RANBP2: variants seen among roughly 807,000 people sequenced by gnomAD.
RANBP2 encodes RAN binding protein 2.
RANBP2 carries 57 observed loss-of-function variants against 303.6 expected under a neutral mutation model. The observed-to-expected ratio is 0.19, with a 90% CI of 0.15 to 0.23. RANBP2 has a LOEUF of 0.23. Among genes scored for constraint, RANBP2 ranks in the 10% least tolerant of loss-of-function variants. The pLI, the probability that RANBP2 is intolerant of heterozygous loss-of-function variation, is 1.00. For synonymous variants in RANBP2, 1,167 were observed against 1,301.5 expected, an observed-to-expected ratio of 0.90 and a Z score of 2.23; for missense variants, 3,138 against 3,780.8, an observed-to-expected ratio of 0.83 and a Z score of 4.46.
chr2:109,697,090 TAA>T, the RANBP2 span, among the ~76,000 whole-genome samples: 1 of 152,026 alleles, frequency 6.6e-6, no homozygotes, highest in Admixed American at 6.6e-5. Context: ...TTATGTAAAT[TAA>T]AAAAAAGTTT....
At chr2:108,974,111 C>T in the RANBP2 span, among the ~76,000 whole-genome samples, 3 of 151,698 alleles carry the variant, frequency 2.0e-5, no homozygotes, top group Admixed American at 6.6e-5. Context: ...GGGTGGATCA[C>T]GAGGTCAGGA....
At chr2:109,100,009 C>A in the RANBP2 span, among the ~76,000 whole-genome samples, 1 of 152,100 alleles carries the variant, frequency 6.6e-6, no homozygotes, top group Non-Finnish European at 1.5e-5. Flanking sequence ...TATAGAGAGA[C>A]AGTATTTCAG....
the RANBP2 span, chr2:109,437,239 G>C: frequency 6.8e-7 from 1 of 1,462,138 alleles, no homozygotes; most frequent in Non-Finnish European, 9.1e-7. Context: ...GGCTCCAGCA[G>C]TGCATGTGTG....
chr2:108,754,100 A>T, intron 15 of RANBP2, 129 bp downstream of exon 15: 1 of 1,598,434 alleles, frequency 6.3e-7, no homozygotes, highest in Non-Finnish European at 8.5e-7. Context: ...CAGAAGGGAT[A>T]TGTGTGTCTA....
chr2:109,266,595 G>A, the RANBP2 span, among the ~76,000 whole-genome samples: 1 of 152,094 alleles, frequency 6.6e-6, no homozygotes, highest in Non-Finnish European at 1.5e-5. Flanking sequence ...CCGTCACCGA[G>A]ACCTTGGAGT....
chr2:109,616,221 T>C, the RANBP2 span: 1 of 1,228,816 alleles, frequency 8.1e-7, no homozygotes, highest in East Asian at 2.9e-5. Flanking sequence ...CAGGCTAGCC[T>C]TCTGGGAAAA....
the RANBP2 span, among the ~76,000 whole-genome samples, chr2:109,054,126 C>T: frequency 1.3e-5 from 2 of 152,168 alleles, 1 homozygote; most frequent in Middle Eastern, 6.3e-3. Context: ...TGCCATGCTC[C>T]AAGTCAGTCC....
At chr2:108,806,654 C>T in the RANBP2 span, among the ~76,000 whole-genome samples, 1,562 of 152,216 alleles carry the variant, frequency 0.01, 15 homozygotes, top group Non-Finnish European at 0.013. Context: ...TGTTCCAAAA[C>T]GACTGTATTC....
At chr2:109,188,359 G>A in the RANBP2 span, among the ~76,000 whole-genome samples, 3 of 152,218 alleles carry the variant, frequency 2.0e-5, no homozygotes, top group African/African-American at 7.2e-5. Flanking sequence ...CTTCCTCACA[G>A]TGATCACCAC....
the RANBP2 span, among the ~76,000 whole-genome samples, chr2:109,506,114 C>T: frequency 7.9e-5 from 12 of 152,150 alleles, no homozygotes; most frequent in Non-Finnish European, 8.8e-5. Flanking sequence ...GGAGTCAGGG[C>T]ATTATCTGAA....
At chr2:109,009,670 C>CATGT in the RANBP2 span, among the ~76,000 whole-genome samples, 1 of 150,554 alleles carries the variant, frequency 6.6e-6, no homozygotes, top group Non-Finnish European at 1.5e-5. Flanking sequence ...CCACTACAGG[C>CATGT]ATGTACCACT....
the RANBP2 span, among the ~76,000 whole-genome samples, chr2:108,977,874 A>T: frequency 6.6e-6 from 1 of 152,196 alleles, no homozygotes; most frequent in Non-Finnish European, 1.5e-5. Context: ...ATCAACCACA[A>T]GACATCATAT....
At chr2:109,157,823 G>T in the RANBP2 span, among the ~76,000 whole-genome samples, 842 of 152,266 alleles carry the variant, frequency 5.5e-3, 7 homozygotes, top group African/African-American at 0.019. Flanking sequence ...AGGATTGTAT[G>T]GGAGGAGCAC....
chr2:109,220,270 T>C, the RANBP2 span, among the ~76,000 whole-genome samples: 1 of 152,202 alleles, frequency 6.6e-6, no homozygotes. Context: ...TCTAGAAAAT[T>C]AACTCAAAAT....
chr2:109,625,104 A>AG, the RANBP2 span, among the ~76,000 whole-genome samples: 23 of 150,030 alleles, frequency 1.5e-4, no homozygotes, highest in African/African-American at 5.6e-4. Context: ...AAAAAAAAAA[A>AG]AAAGAAAAGA....
chr2:109,505,390 C>A, the RANBP2 span, among the ~76,000 whole-genome samples: 1 of 152,300 alleles, frequency 6.6e-6, no homozygotes, highest in South Asian at 2.1e-4. Context: ...AATTAAGTGA[C>A]CTTGCCAGGC....
chr2:109,674,770 C>T, the RANBP2 span, among the ~76,000 whole-genome samples: 1 of 152,102 alleles, frequency 6.6e-6, no homozygotes, highest in Non-Finnish European at 1.5e-5. Context: ...CTCTTCCCTC[C>T]TCTCCTCAGC....
the RANBP2 span, among the ~76,000 whole-genome samples, chr2:109,339,967 C>A: frequency 6.6e-6 from 1 of 152,162 alleles, no homozygotes; most frequent in Admixed American, 6.5e-5. Flanking sequence ...GCTGGTTGCC[C>A]AGTTACACGC....
At chr2:108,876,546 T>A in the RANBP2 span, 137,178 of 188,828 alleles carry the variant, frequency 0.73, 53,536 homozygotes, top group East Asian at 0.87. Flanking sequence ...AATTATGTGA[T>A]TATTTGGAAT....
Sources: allele counts gnomAD v4.1 joint callset (sites outside exome capture counted in the v4.1 genomes callset), GRCh38; gene constraint gnomAD v4.1.1; transcripts MANE v1.5; gene names NCBI Gene and HGNC (gene_info 2026-07-23, HGNC 2026-07-21).